The following GRIK1 variants were observed in gnomAD, a reference collection of about 807,000 sequenced individuals.
The protein encoded by GRIK1 is glutamate receptor ionotropic, kainate 1.
GRIK1 carries 69 observed loss-of-function variants against 105.7 expected under a neutral mutation model. That is an observed-to-expected ratio of 0.65 (90% CI 0.54 to 0.80). The LOEUF is 0.80. Among genes scored for constraint, GRIK1 ranks in the 30% least tolerant of loss-of-function variants. The pLI, the probability that GRIK1 is intolerant of heterozygous loss-of-function variation, is 0.00. For missense variants in GRIK1, 1,109 were observed against 1,167.3 expected (o/e 0.95, Z 0.73); for synonymous variants, 438 against 431.3 (o/e 1.02, Z -0.19).
chr21:29,852,198 T>C (rs934743104), intron 1 of GRIK1, among the ~76,000 whole-genome samples: 5 of 152,166 alleles, frequency 3.3e-5, no homozygotes, highest in Non-Finnish European at 7.3e-5. Flanking sequence ...TCCTTCTACC[T>C]TGATGCTTGA....
Position 29,745,479 on chromosome 21 carries a change from A to T in GRIK1, c.119-51416T>A, listed in dbSNP as rs187507689. ...GAGAAAAGGCAGATAACTTTGGGTA[A>T]CTGATAGATAACTTAGCAATAGATT... is the stretch of plus-strand genomic sequence containing the variant. On this transcript the variant is annotated intron_variant, in intron 1 of 17. Coordinates refer to ENST00000327783, the MANE Select transcript of GRIK1 (RefSeq NM_001330994.2). Among the ~76,000 whole-genome samples the T allele has an allele frequency of 1.1e-3, 163 of 152,344 alleles. 1 individual carries two copies. The highest frequency in any genetic ancestry group is 3.7e-3 in the African/African-American group (155 of 41,574).
In GRIK1 at chr21:29,939,307, G is replaced by A. The variant is rs373730659; in HGVS notation, c.118+76C>T. 8.0e-4 allele frequency: 701 copies of A among 872,234 alleles called. 5 individuals are homozygous for A. In the African/African-American group the frequency reaches 0.01, roughly 13 times the overall value. 54.0% of individuals were successfully genotyped at this position (872,234 alleles called of 1,614,324 possible). Reference sequence around the variant, plus strand: ...CTCCTGCGCCGCCGCGCGCTGCCTCGCCCGGGACCCGCTACACCCGCGTTG... The same window carrying A: ...CTCCTGCGCCGCCGCGCGCTGCCTCACCCGGGACCCGCTACACCCGCGTTG... On this transcript the variant is annotated intron_variant, in intron 1 of 17. Transcript: ENST00000327783.
At chr21:29,817,993 T>C (rs570248872) in intron 1 of GRIK1, among the ~76,000 whole-genome samples, 2 of 152,232 alleles carry the variant, frequency 1.3e-5, no homozygotes, top group African/African-American at 2.4e-5. Flanking sequence ...AGAGTAAAAA[T>C]TGTTGAATAA....
rs540289406 is a variant in GRIK1 at position 29,822,915 on chromosome 21, A to C, written c.118+116468T>G. On this transcript the variant is annotated intron_variant, in intron 1 of 17. Transcript: ENST00000327783. ...GCAATGACCAGGTATCAAGTACATC[A>C]CTAAGTTGCACTTGTTCTAAAATAT... Among the ~76,000 whole-genome samples the C allele has an allele frequency of 3.3e-5, 5 of 152,124 alleles. No individual in the cohort carries two copies. In the South Asian group the frequency reaches 1.0e-3, roughly 32 times the overall value.
rs541782706 is a variant in GRIK1 at position 29,734,345 on chromosome 21, A to ACTTTTCTTTTCTTTT, written c.119-40297_119-40283dup. 1.0e-3 allele frequency among the ~76,000 whole-genome samples: 142 copies of ACTTTTCTTTTCTTTT among 135,250 alleles called. 3 individuals are homozygous for ACTTTTCTTTTCTTTT. The highest frequency in any genetic ancestry group is 4.5e-3 in the African/African-American group (138 of 30,478). 88.7% of individuals were successfully genotyped at this position (135,250 alleles called of 152,430 possible). A position where few individuals can be genotyped will look rare whatever the true frequency, so the allele number is the denominator to read the frequency against. ...TTTAATGGATATACTGGATCATAGC[A>ACTTTTCTTTTCTTTT]CTTTTCTTTTCTTTTCTTTTCTTTT... On this transcript the variant is annotated intron_variant, in intron 1 of 17. Coordinates refer to ENST00000327783, the MANE Select transcript of GRIK1 (RefSeq NM_001330994.2).
Position 29,915,906 on chromosome 21 carries a change from T to C in GRIK1, c.118+23477A>G, listed in dbSNP as rs547055949. On this transcript the variant is annotated intron_variant, in intron 1 of 17. Transcript: ENST00000327783. ...AATTATTTTTCAACATTCTAGCATG[T>C]CTTACTCTTTTCAGAGAGAAAGAAA... 1.8e-3 allele frequency among the ~76,000 whole-genome samples: 275 copies of C among 152,114 alleles called. 1 individual carries two copies. The highest frequency in any genetic ancestry group is 6.3e-3 in the African/African-American group (263 of 41,528).
At chr21:29,909,691 G>A (rs460243) in intron 1 of GRIK1, among the ~76,000 whole-genome samples, 35,471 of 151,960 alleles carry the variant, frequency 0.23, 4,941 homozygotes, top group African/African-American at 0.39. Flanking sequence ...ATGTGGTTTA[G>A]TTCTTTAATC....
chr21:29,839,596 A>G (rs1270935413), intron 1 of GRIK1, among the ~76,000 whole-genome samples: 1 of 152,196 alleles, frequency 6.6e-6, no homozygotes, highest in Non-Finnish European at 1.5e-5. Flanking sequence ...TTGAGCTGAT[A>G]GTAAATTTAG....
chr21:29,823,217 C>G (rs1299372464), intron 1 of GRIK1, among the ~76,000 whole-genome samples: 3 of 151,748 alleles, frequency 2.0e-5, no homozygotes, highest in South Asian at 4.1e-4. Context: ...ATGTCTGTAA[C>G]TACATAATTT....
In GRIK1 at chr21:29,614,739, A is replaced by G. The variant is rs192158820; in HGVS notation, c.1099-15802T>C. On this transcript the variant is annotated intron_variant, in intron 7 of 17. Coordinates refer to ENST00000327783, the MANE Select transcript of GRIK1 (RefSeq NM_001330994.2). ...CCACCTTTCTAATATACTATTTATG[A>G]CTTTTCCCTGCTGTGCTTTCCACCT... Among the ~76,000 whole-genome samples, 17 of 151,240 alleles carry G rather than the reference A, an allele frequency of 1.1e-4. 1 individual carries two copies. The East Asian group carries it at 2.3e-3, about 21-fold the overall frequency.
chr21:29,617,509 C>T (rs2061881327), intron 7 of GRIK1, among the ~76,000 whole-genome samples: 1 of 152,224 alleles, frequency 6.6e-6, no homozygotes, highest in South Asian at 2.1e-4. Flanking sequence ...ATGTTATGTG[C>T]TGATGCTGTC....
rs1482147065 is a variant in GRIK1 at position 29,537,104 on chromosome 21, A to G, written c.*126T>C. On this transcript the variant is annotated 3_prime_UTR_variant, in exon 18 of 18. Coordinates refer to ENST00000327783, the MANE Select transcript of GRIK1 (RefSeq NM_001330994.2). ...CTTTTTAAACTTTTGTATTTCTTAT[A>G]TCTGTATTCATAATCAGAGTTATGG... 2 of 506,812 alleles carry G rather than the reference A, an allele frequency of 3.9e-6. No individual in the cohort carries two copies. The highest frequency in any genetic ancestry group is 3.3e-6 in the Non-Finnish European group (1 of 301,848). 31.4% of individuals were successfully genotyped at this position (506,812 alleles called of 1,614,324 possible). A position where few individuals can be genotyped will look rare whatever the true frequency, so the allele number is the denominator to read the frequency against.
chr21:29,807,842 G>A (rs2066907121), intron 1 of GRIK1, among the ~76,000 whole-genome samples: 1 of 152,076 alleles, frequency 6.6e-6, no homozygotes. Context: ...GGGTGTCAAG[G>A]TTGAGTTGTG....
intron 1 of GRIK1, among the ~76,000 whole-genome samples, chr21:29,803,684 C>T (rs534868412): frequency 6.6e-6 from 1 of 152,056 alleles, no homozygotes; most frequent in African/African-American, 2.4e-5. Flanking sequence ...TGGTTCAGCT[C>T]TGTGCAAATC....
intron 1 of GRIK1, among the ~76,000 whole-genome samples, chr21:29,849,630 C>G (rs1478418677): frequency 6.6e-6 from 1 of 152,202 alleles, no homozygotes; most frequent in African/African-American, 2.4e-5. Flanking sequence ...TTCCTCTTAA[C>G]CACCAAAGAC....
At chr21:29,577,439 T>G (rs1601165452) in intron 13 of GRIK1, among the ~76,000 whole-genome samples, 2 of 152,342 alleles carry the variant, frequency 1.3e-5, no homozygotes, top group East Asian at 1.9e-4. Context: ...GCATTCCATG[T>G]CTAAAATTTA....
At chr21:29,625,430 G>A (rs2062103026) in intron 7 of GRIK1, among the ~76,000 whole-genome samples, 1 of 152,110 alleles carries the variant, frequency 6.6e-6, no homozygotes, top group Non-Finnish European at 1.5e-5. Flanking sequence ...GGCCTCTGCT[G>A]ATACCATTTA....
rs1455680387 is a variant in GRIK1 at position 29,598,476 on chromosome 21, C to T, written c.1206+354G>A. ...CCTTGGATGCCATTCCATCGATAAA[C>T]CATTGATAGCTTCTGCTTTTCCAAG... On this transcript the variant is annotated intron_variant, in intron 8 of 17. Coordinates refer to ENST00000327783, the MANE Select transcript of GRIK1 (RefSeq NM_001330994.2). Among the ~76,000 whole-genome samples, 3 of 152,150 alleles carry T rather than the reference C, an allele frequency of 2.0e-5. No individual in the cohort carries two copies. In the South Asian group the frequency reaches 6.2e-4, roughly 32 times the overall value.
chr21:29,791,485 AAAG>A (rs1437639866), intron 1 of GRIK1, among the ~76,000 whole-genome samples: 2 of 152,086 alleles, frequency 1.3e-5, no homozygotes, highest in African/African-American at 2.4e-5. Context: ...AGGGAGAGAC[AAAG>A]AAGAAGAAGG....
Sources: allele counts gnomAD v4.1 joint callset (sites outside exome capture counted in the v4.1 genomes callset), GRCh38; gene constraint gnomAD v4.1.1; transcripts MANE v1.5; gene names NCBI Gene and HGNC (gene_info 2026-07-23, HGNC 2026-07-21).